EVC2: variants seen among roughly 807,000 people sequenced by gnomAD.
The protein encoded by EVC2 is EvC ciliary complex subunit 2.
Under a neutral mutation model 149.3 loss-of-function variants are expected in EVC2, and 148 were observed. The observed-to-expected ratio is 0.99, with a 90% CI of 0.87 to 1.14. EVC2 has a LOEUF of 1.14. Ranked by LOEUF, EVC2 falls within the 50% of genes most tolerant of loss-of-function variation. The pLI is 0.00. For missense variants in EVC2, 1,854 were observed against 1,627.3 expected (o/e 1.14, Z -2.40); for synonymous variants, 776 against 649.9 (o/e 1.19, Z -2.95).
At chr4:5,635,225 C>T (rs913455446) in intron 10 of EVC2, among the ~76,000 whole-genome samples, 5 of 151,536 alleles carry the variant, frequency 3.3e-5, no homozygotes, top group Non-Finnish European at 7.4e-5. Flanking sequence ...TTAGTAGAGG[C>T]GGGATTTCAC....
intron 9 of EVC2, among the ~76,000 whole-genome samples, chr4:5,644,853 T>C (rs1035522338): frequency 2.6e-5 from 4 of 152,218 alleles, no homozygotes; most frequent in African/African-American, 7.2e-5. Flanking sequence ...CTTCAAATAA[T>C]AGGAATTTGA....
chr4:5,554,548 G>C (rs1382113012), intron 21 of EVC2, among the ~76,000 whole-genome samples: 3 of 152,188 alleles, frequency 2.0e-5, no homozygotes, highest in East Asian at 1.9e-4. Flanking sequence ...AGCAAGCATT[G>C]TGTAAGTCTG....
intron 5 of EVC2, 125 bp from the exon 6 acceptor site, chr4:5,685,604 T>G: frequency 1.4e-6 from 1 of 734,056 alleles, no homozygotes; most frequent in Non-Finnish European, 2.3e-6. Flanking sequence ...ACCATGGCAG[T>G]GATGCCTGCA....
intron 21 of EVC2, among the ~76,000 whole-genome samples, chr4:5,554,198 C>G (rs1051792710): frequency 6.6e-6 from 1 of 152,144 alleles, no homozygotes; most frequent in African/African-American, 2.4e-5. Flanking sequence ...TGGACCCATC[C>G]GAGAACTGAG....
chr4:5,641,542 G>A (rs142759202), intron 9 of EVC2, among the ~76,000 whole-genome samples: 63 of 152,288 alleles, frequency 4.1e-4, no homozygotes, highest in African/African-American at 1.5e-3. Context: ...CTGACTGGCG[G>A]TAGTTGTAAA....
At chr4:5,552,913 AG>A (rs1721768796) in intron 21 of EVC2, among the ~76,000 whole-genome samples, 1 of 152,246 alleles carries the variant, frequency 6.6e-6, no homozygotes, top group Non-Finnish European at 1.5e-5. Flanking sequence ...GCAGGAAAAG[AG>A]GCACGATACA....
intron 17 of EVC2, among the ~76,000 whole-genome samples, chr4:5,582,954 T>TC (rs1275759180): frequency 6.6e-6 from 1 of 152,172 alleles, no homozygotes; most frequent in Non-Finnish European, 1.5e-5. Flanking sequence ...TCCTGAGTCC[T>TC]CCCCAGAAGC....
chr4:5,551,151 C>T (rs551955584), intron 21 of EVC2, among the ~76,000 whole-genome samples: 159 of 141,648 alleles, frequency 1.1e-3, no homozygotes, highest in African/African-American at 4.0e-3. Flanking sequence ...CTAGTGGAGC[C>T]GTGAGAAGAG....
chr4:5,591,512 C>T (rs1171367218), intron 16 of EVC2, among the ~76,000 whole-genome samples: 2 of 152,154 alleles, frequency 1.3e-5, no homozygotes, highest in Non-Finnish European at 2.9e-5. Flanking sequence ...CAGACCCCTG[C>T]AGAGGTGCAG....
At chr4:5,571,303 G>A (rs1296766950) in intron 19 of EVC2, among the ~76,000 whole-genome samples, 6 of 114,104 alleles carry the variant, frequency 5.3e-5, no homozygotes, top group African/African-American at 1.3e-4. Flanking sequence ...GGGTGACAGA[G>A]TGAGACTCCA....
intron 10 of EVC2, among the ~76,000 whole-genome samples, chr4:5,638,051 T>A (rs1331034987): frequency 6.6e-6 from 1 of 152,018 alleles, no homozygotes. Flanking sequence ...TGCCTTAAGG[T>A]ACTGTCGAAG....
chr4:5,708,031 A>C, intron 1 of EVC2: 1 of 388,700 alleles, frequency 2.6e-6, no homozygotes, highest in Non-Finnish European at 4.5e-6. Flanking sequence ...CGTAAAATGG[A>C]GAGCAGGATT....
Position 5,625,349 on chromosome 4 carries a change from A to ACAC in EVC2, c.2046+399_2046+400insGTG, listed in dbSNP as rs1560174872. The stretch of plus-strand genomic sequence containing the variant: ...ACACACACACACACACACACACACA[A>ACAC]ACCCAGTGGTATCTCCCTCATAGGG... On this transcript the variant is annotated intron_variant, in intron 13 of 21. Transcript: ENST00000344408. This position sits in a 1 kb window ranked among gnomAD's most constrained non-coding sequence, Gnocchi z 4.0. Among the ~76,000 whole-genome samples the ACAC allele has an allele frequency of 3.2e-4, 43 of 133,872 alleles. No homozygotes were observed. Among genetic ancestry groups the ACAC allele is most frequent in the African/African-American group, 1.2e-3 (41 of 35,352 alleles). 87.8% of individuals were successfully genotyped at this position (133,872 alleles called of 152,430 possible).
At chr4:5,621,813 C>T (rs1715707754) in intron 14 of EVC2, among the ~76,000 whole-genome samples, 2 of 152,088 alleles carry the variant, frequency 1.3e-5, no homozygotes, top group Admixed American at 1.3e-4. Context: ...AGTTCGAGAC[C>T]AGCCTGGGCA....
chr4:5,623,914 A>G (rs1030601101), intron 13 of EVC2, among the ~76,000 whole-genome samples: 6 of 152,240 alleles, frequency 3.9e-5, no homozygotes, highest in African/African-American at 1.2e-4. Flanking sequence ...TCTCTTAGAA[A>G]AGTGCCTGAC....
At position 5,633,295 on chromosome 4, in the gene EVC2, G is replaced by A. The variant is rs972243624; in HGVS notation, c.1471-1263C>T. Among the ~76,000 whole-genome samples the A allele has an allele frequency of 2.0e-5, 3 of 152,206 alleles. No individual in the cohort carries two copies. Among genetic ancestry groups the A allele is most frequent in the African/African-American group, 7.2e-5 (3 of 41,464 alleles). On this transcript the variant is annotated intron_variant, in intron 10 of 21. Transcript: ENST00000344408. The surrounding 1 kb of genome is among the most constrained non-coding windows in gnomAD (Gnocchi z 4.4). The stretch of plus-strand genomic sequence containing the variant: ...GAGAATGCAGCTCAGCCAAGACCCT[G>A]ATTGCCAGCCTGCAACATCCTGAGC...
intron 1 of EVC2, among the ~76,000 whole-genome samples, chr4:5,699,829 A>G (rs1171732496): frequency 1.3e-5 from 2 of 151,928 alleles, no homozygotes; most frequent in Non-Finnish European, 2.9e-5. Flanking sequence ...TCTGAAAAAA[A>G]TAAATAATAA....
intron 7 of EVC2, among the ~76,000 whole-genome samples, chr4:5,675,217 T>C (rs1719912312): frequency 6.6e-6 from 1 of 152,250 alleles, no homozygotes; most frequent in Admixed American, 6.5e-5. Context: ...CTTATCTGAG[T>C]GCTGTTTTTA....
downstream of EVC2, among the ~76,000 whole-genome samples, chr4:5,540,008 C>A (rs936091112): frequency 2.0e-5 from 3 of 152,164 alleles, no homozygotes; most frequent in Non-Finnish European, 4.4e-5. Context: ...CTAGAACATA[C>A]AATGAACTCT....
Sources: gnomAD v4.1 joint callset for allele counts (sites outside exome capture counted in the v4.1 genomes callset) on GRCh38, gnomAD v4.1.1 for gene constraint, Gnocchi (gnomAD v3.1) non-coding constraint, MANE v1.5 for transcripts, NCBI Gene and HGNC (gene_info 2026-07-23, HGNC 2026-07-21) for gene names.